RAB33A: variants seen among roughly 807,000 people sequenced by gnomAD.
The protein encoded by RAB33A is ras-related protein Rab-33A.
A neutral mutation model predicts 12.0 loss-of-function variants in RAB33A; 6 were observed. That is an observed-to-expected ratio of 0.50 (90% CI 0.27 to 0.99). The LOEUF (loss-of-function observed/expected upper bound fraction) is 0.99. RAB33A is among the 50% of genes least tolerant of loss of function. The pLI is 0.11. For synonymous variants in RAB33A, 70 were observed against 82.4 expected (o/e 0.85, Z 0.81); for missense variants, 109 against 192.0 (o/e 0.57, Z 2.55).
At chrX:130,145,584 G>A in the RAB33A span, 2,238 of 1,121,436 alleles carry the variant, frequency 2.0e-3, 1 homozygote, top group Non-Finnish European at 2.5e-3. Flanking sequence ...ATGGAGAAGA[G>A]AGGGAGAATA....
chrX:130,125,533 A>T, the RAB33A span, among the ~76,000 whole-genome samples: 2 of 111,043 alleles, frequency 1.8e-5, no homozygotes, highest in Non-Finnish European at 3.8e-5. Flanking sequence ...AGCGAGTCCC[A>T]ACAATCTCTA....
the RAB33A span, among the ~76,000 whole-genome samples, chrX:130,112,865 CA>C: frequency 9.2e-6 from 1 of 109,140 alleles, no homozygotes; most frequent in Non-Finnish European, 1.9e-5. Context: ...GACTCCATCT[CA>C]AAAAAATAAA....
intron 1 of RAB33A, among the ~76,000 whole-genome samples, chrX:130,172,940 C>T (rs1189296229): frequency 8.9e-6 from 1 of 112,044 alleles, no homozygotes; most frequent in Non-Finnish European, 1.9e-5. Context: ...TCCAGCCCTT[C>T]GTAATAGACA....
chrX:130,176,270 G>T (rs1261077441), intron 1 of RAB33A, among the ~76,000 whole-genome samples: 1 of 110,380 alleles, frequency 9.1e-6, no homozygotes, highest in African/African-American at 3.3e-5. Flanking sequence ...CCGAATAGGG[G>T]TGTGTGTGTG....
chrX:130,130,172 GCCAGC>G, the RAB33A span: 1 of 1,211,214 alleles, frequency 8.3e-7, no homozygotes, highest in Non-Finnish European at 1.1e-6. Flanking sequence ...AGTTCCTGTG[GCCAGC>G]CCCCAAAACA....
chrX:130,174,535 G>A (rs2031644764), intron 1 of RAB33A, among the ~76,000 whole-genome samples: 1 of 112,613 alleles, frequency 8.9e-6, no homozygotes. Flanking sequence ...TGGCTAGCCT[G>A]AAGTTGTTCA....
At chrX:130,168,989 C>T (rs371593844), upstream of RAB33A, among the ~76,000 whole-genome samples, 47 of 110,130 alleles carry the variant, frequency 4.3e-4, no homozygotes, top group African/African-American at 1.5e-3. Flanking sequence ...GGGCGGATCA[C>T]GAGGTCCGGA....
the RAB33A span, among the ~76,000 whole-genome samples, chrX:130,158,639 G>A: frequency 3.0e-5 from 3 of 101,240 alleles, no homozygotes; most frequent in Admixed American, 1.1e-4. Flanking sequence ...CGAGCCACAT[G>A]GGAAGAAGAA....
the RAB33A span, among the ~76,000 whole-genome samples, chrX:130,159,791 C>CA: frequency 6.7e-4 from 60 of 90,057 alleles, no homozygotes; most frequent in South Asian, 3.5e-3. Flanking sequence ...CTCAATTTGC[C>CA]AAAAAAAAAA....
the RAB33A span, chrX:130,147,847 T>C: frequency 6.6e-6 from 8 of 1,211,835 alleles, no homozygotes; most frequent in East Asian, 1.8e-4. Flanking sequence ...CTTGGCGCCT[T>C]GTCTTGAGGA....
intron 1 of RAB33A, among the ~76,000 whole-genome samples, chrX:130,182,250 CTATA>C: frequency 1.0e-5 from 1 of 97,643 alleles, no homozygotes; most frequent in South Asian, 4.6e-4. Flanking sequence ...AACATATACA[CTATA>C]TATAACATAT....
At chrX:130,125,895 C>T in the RAB33A span, among the ~76,000 whole-genome samples, 1 of 112,257 alleles carries the variant, frequency 8.9e-6, no homozygotes. Flanking sequence ...TTCCTTCCCT[C>T]AGTTCCACCT....
the RAB33A span, chrX:130,137,413 A>C: frequency 8.6e-7 from 1 of 1,158,941 alleles, no homozygotes; most frequent in Admixed American, 2.7e-5. Flanking sequence ...ATTAAGCTTC[A>C]GATGGTGAAC....
intron 1 of RAB33A, among the ~76,000 whole-genome samples, chrX:130,181,706 A>C (rs1411383975): frequency 8.9e-6 from 1 of 112,140 alleles, no homozygotes; most frequent in Non-Finnish European, 1.9e-5. Flanking sequence ...CTGTAATCCC[A>C]GCACTTTGGG....
the RAB33A span, among the ~76,000 whole-genome samples, chrX:130,160,599 T>A: frequency 8.9e-6 from 1 of 112,180 alleles, no homozygotes; most frequent in Admixed American, 9.5e-5. Flanking sequence ...AAATTTTTTT[T>A]AAATGAAAAG....
chrX:130,115,129 C>A, the RAB33A span, among the ~76,000 whole-genome samples: 8 of 97,476 alleles, frequency 8.2e-5, no homozygotes, highest in African/African-American at 2.8e-4. Context: ...CAAGCAATGC[C>A]TGATAGCCCA....
chrX:130,126,661 C>T, the RAB33A span, among the ~76,000 whole-genome samples: 6 of 111,471 alleles, frequency 5.4e-5, no homozygotes. Flanking sequence ...TCAGAGGTTA[C>T]AAGACAGAGG....
the RAB33A span, chrX:130,155,084 G>A: frequency 2.7e-6 from 3 of 1,129,407 alleles, no homozygotes; most frequent in Non-Finnish European, 3.6e-6. Context: ...ATATTCTAAT[G>A]TATCAAGTTT....
At chrX:130,148,560 G>A in the RAB33A span, among the ~76,000 whole-genome samples, 5 of 111,273 alleles carry the variant, frequency 4.5e-5, no homozygotes, top group East Asian at 2.8e-4. Flanking sequence ...TCGGCTGGGC[G>A]TGGTGGCTCC....
Sources: allele counts gnomAD v4.1 joint callset (sites outside exome capture counted in the v4.1 genomes callset), GRCh38; gene constraint gnomAD v4.1.1; transcripts MANE v1.5; gene names NCBI Gene and HGNC (gene_info 2026-07-23, HGNC 2026-07-21).